The following PALM2AKAP2 variants were observed in gnomAD, a reference collection of about 807,000 sequenced individuals.
PALM2AKAP2 encodes the protein PALM2-AKAP2 fusion protein.
A neutral mutation model predicts 71.5 loss-of-function variants in PALM2AKAP2; 37 were observed. The ratio of observed to expected loss-of-function variants is 0.52; its 90% confidence interval spans 0.40 to 0.68. The LOEUF (loss-of-function observed/expected upper bound fraction) is 0.68, where lower values mean the gene tolerates loss of function less well. PALM2AKAP2 is among the 30% of genes least tolerant of loss of function. PALM2AKAP2 has a pLI of 0.00. For synonymous variants in PALM2AKAP2, 468 were observed against 478.8 expected, an observed-to-expected ratio of 0.98 and a Z score of 0.29; for missense variants, 1,224 against 1,191.8, an observed-to-expected ratio of 1.03 and a Z score of -0.40.
chr9:109,788,801 G>A (rs773606436), intron 1 of PALM2AKAP2, among the ~76,000 whole-genome samples: 1 of 152,170 alleles, frequency 6.6e-6, no homozygotes. Context: ...AGCCGGGTGC[G>A]GTGGCGCACT....
chr9:109,932,073 T>G lies in PALM2AKAP2; in HGVS notation c.496+45T>G, dbSNP rs779729555. The stretch of plus-strand genomic sequence containing the variant: ...GGACGCTAGGATGGTCCAAGGGGCT[T>G]GCATTTCACTGAGCTTTATTAATGA... On this transcript the variant is annotated intron_variant, in intron 6 of 9. Coordinates refer to the PALM2AKAP2 transcript ENST00000302798. 3 of 1,545,206 alleles carry G rather than the reference T, an allele frequency of 1.9e-6. No homozygotes were observed. The Admixed American group carries it at 5.3e-5, about 27-fold the overall frequency.
intron 1 of PALM2AKAP2, among the ~76,000 whole-genome samples, chr9:109,773,249 C>T (rs913849679): frequency 3.9e-5 from 6 of 152,146 alleles, no homozygotes; most frequent in Non-Finnish European, 7.4e-5. Context: ...GATCCTCCTG[C>T]CTCAGCCTCC....
At chr9:109,826,113 G>A (rs1828142479) in intron 1 of PALM2AKAP2, among the ~76,000 whole-genome samples, 1 of 148,510 alleles carries the variant, frequency 6.7e-6, no homozygotes, top group Non-Finnish European at 1.5e-5. Context: ...CTATCGCAAG[G>A]ACAAAAAACC....
chr9:110,096,327 G>A (rs963444252), intron 1 of PALM2AKAP2, among the ~76,000 whole-genome samples: 3 of 151,778 alleles, frequency 2.0e-5, no homozygotes, highest in Admixed American at 1.3e-4. Flanking sequence ...ACAGTAGCAG[G>A]TTCATATGTC....
chr9:109,871,482 T>C (rs1829601337), intron 2 of PALM2AKAP2, among the ~76,000 whole-genome samples: 1 of 152,054 alleles, frequency 6.6e-6, no homozygotes, highest in Non-Finnish European at 1.5e-5. Context: ...TTTTTGATGA[T>C]TACAAAAGGA....
chr9:109,813,769 G>A (rs964852095), intron 1 of PALM2AKAP2, among the ~76,000 whole-genome samples: 1 of 152,158 alleles, frequency 6.6e-6, no homozygotes, highest in Non-Finnish European at 1.5e-5. Flanking sequence ...AACTCGTGTT[G>A]TCCTGGACTT....
intron 6 of PALM2AKAP2, among the ~76,000 whole-genome samples, chr9:110,004,063 C>T (rs13284319): frequency 3.3e-5 from 5 of 152,126 alleles, no homozygotes; most frequent in Non-Finnish European, 7.4e-5. Flanking sequence ...TGAATTTGAT[C>T]CTGTCATTAT....
intron 1 of PALM2AKAP2, among the ~76,000 whole-genome samples, chr9:110,082,603 G>A (rs139477216): frequency 1.3e-5 from 2 of 152,238 alleles, no homozygotes; most frequent in African/African-American, 4.8e-5. Context: ...CATAAAGATA[G>A]TGGATTGAAC....
intron 1 of PALM2AKAP2, among the ~76,000 whole-genome samples, chr9:110,078,459 A>G (rs1834372538): frequency 6.6e-6 from 1 of 152,130 alleles, no homozygotes; most frequent in South Asian, 2.1e-4. Context: ...TAACTGTTTT[A>G]TTTTAGCACT....
intron 1 of PALM2AKAP2, chr9:110,048,859 G>T: frequency 6.5e-7 from 1 of 1,527,672 alleles, no homozygotes. Context: ...CCCAGAGGTG[G>T]GTGTCCAAGC....
chr9:109,933,795 A>C (rs1439554152), intron 6 of PALM2AKAP2, among the ~76,000 whole-genome samples: 1 of 152,144 alleles, frequency 6.6e-6, no homozygotes, highest in African/African-American at 2.4e-5. Context: ...ATTACATATA[A>C]GCAGAGCTAT....
Position 109,888,570 on chromosome 9 carries a change from C to A in PALM2AKAP2, c.257+7889C>A, listed in dbSNP as rs533022017. Among the ~76,000 whole-genome samples, 6 of 151,968 alleles carry A rather than the reference C, an allele frequency of 3.9e-5. No individual in the cohort carries two copies. The South Asian group carries it at 1.3e-3, about 32-fold the overall frequency. Reference sequence around the variant, plus strand: ...CTAAAAATACAAAAAATTAGCCAGGCGTGGTTGCAGGCGCTTGTAATCCCA... The same window carrying A: ...CTAAAAATACAAAAAATTAGCCAGGAGTGGTTGCAGGCGCTTGTAATCCCA... On this transcript the variant is annotated intron_variant, in intron 3 of 9. Coordinates refer to the PALM2AKAP2 transcript ENST00000302798.
chr9:109,932,560 C>T (rs1281000643), intron 6 of PALM2AKAP2, among the ~76,000 whole-genome samples: 1 of 152,196 alleles, frequency 6.6e-6, no homozygotes, highest in Admixed American at 6.5e-5. Flanking sequence ...CAATTTAAAG[C>T]ACACATGTTA....
At chr9:110,096,505 G>A (rs1834843249) in intron 1 of PALM2AKAP2, among the ~76,000 whole-genome samples, 1 of 151,962 alleles carries the variant, frequency 6.6e-6, no homozygotes, top group Non-Finnish European at 1.5e-5. Context: ...AGGCTCAAGT[G>A]ATCTTCCCAC....
At chr9:109,648,640 G>T (rs1827184694) in intron 1 of PALM2AKAP2, among the ~76,000 whole-genome samples, 1 of 152,154 alleles carries the variant, frequency 6.6e-6, no homozygotes, top group Admixed American at 6.5e-5. Flanking sequence ...CTTGAACAAG[G>T]TGAGGGGATG....
At chr9:109,720,951 C>T (rs1300934876) in intron 1 of PALM2AKAP2, among the ~76,000 whole-genome samples, 1 of 152,162 alleles carries the variant, frequency 6.6e-6, no homozygotes, top group Non-Finnish European at 1.5e-5. Context: ...GCACATACCA[C>T]CACACACACC....
At chr9:109,914,946 G>A (rs1158279205) in intron 3 of PALM2AKAP2, among the ~76,000 whole-genome samples, 3 of 152,118 alleles carry the variant, frequency 2.0e-5, no homozygotes, top group Admixed American at 6.5e-5. Flanking sequence ...ACTGCATGAA[G>A]GGTCCCAGGA....
At chr9:109,860,137 C>G (rs1399870407) in intron 1 of PALM2AKAP2, among the ~76,000 whole-genome samples, 1 of 152,170 alleles carries the variant, frequency 6.6e-6, no homozygotes, top group African/African-American at 2.4e-5. Context: ...GTCTGCTGAG[C>G]AAACTCAGCA....
At chr9:109,660,204 A>G (rs567421749) in intron 1 of PALM2AKAP2, among the ~76,000 whole-genome samples, 1 of 152,270 alleles carries the variant, frequency 6.6e-6, no homozygotes, top group Non-Finnish European at 1.5e-5. Flanking sequence ...CTTTTTTAAA[A>G]TTATTATTAT....
Sources: gnomAD v4.1 joint callset for allele counts (sites outside exome capture counted in the v4.1 genomes callset) on GRCh38, gnomAD v4.1.1 for gene constraint, MANE v1.5 for transcripts, NCBI Gene and HGNC (gene_info 2026-07-23, HGNC 2026-07-21) for gene names.